The following CD101 variants were observed in gnomAD, a reference collection of about 807,000 sequenced individuals.
The protein encoded by CD101 is CD101 molecule, also known as immunoglobulin superfamily member 2.
A neutral mutation model predicts 98.2 loss-of-function variants in CD101; 76 were observed. The ratio of observed to expected loss-of-function variants is 0.77; its 90% CI spans 0.64 to 0.94. CD101 has a LOEUF of 0.94. Ranked by LOEUF, CD101 falls within the 40% of genes least tolerant of loss-of-function variation. The probability of loss-of-function intolerance (pLI) is 0.00; values close to 1 mark genes in which losing one functional copy is unlikely to be tolerated. For missense variants in CD101, 1,145 were observed against 1,218.8 expected, an observed-to-expected ratio of 0.94 and a Z score of 0.90; for synonymous variants, 471 against 472.7, an observed-to-expected ratio of 1.00 and a Z score of 0.05.
rs1298501481 is a variant in CD101, at chr1:117,010,059, T to C, written c.253T>C (p.Tyr85His). Residue 85 changes from tyrosine (Y) to histidine (H), a missense_variant, in exon 2 of 10, where the codon TAT becomes CAT. Physicochemically the swap from Tyr to His is moderately conservative, Grantham distance 83 (BLOSUM62 2). Coordinates refer to ENST00000682167, the MANE Select transcript of CD101 (RefSeq NM_001256106.3). The surrounding 1 kb of genome is among the most constrained non-coding windows in gnomAD (Gnocchi z 5.2). ...TKDAAFSYAV[Y>H]TQRVRSGDVY... ...GGATGCTGCCTTCTCTTACGCAGTA[T>C]ATACGCAGCGGGTGCGAAGCGGAGA... 1.2e-6 allele frequency: 2 copies of C among 1,614,212 alleles called. No individual in the cohort carries two copies. The highest frequency in any genetic ancestry group is 2.2e-5 in the East Asian group (1 of 44,882).
chr1:117,034,709 C>G (rs1473341469), intron 9 of CD101, among the ~76,000 whole-genome samples: 1 of 152,214 alleles, frequency 6.6e-6, no homozygotes, highest in Non-Finnish European at 1.5e-5. Context: ...GGTTCTTTGA[C>G]AAAATGATAA....
chr1:117,027,853 G>A (rs527983542), intron 8 of CD101, among the ~76,000 whole-genome samples: 1 of 152,236 alleles, frequency 6.6e-6, no homozygotes, highest in African/African-American at 2.4e-5. Flanking sequence ...GGAGGCCAAG[G>A]CGGGCGGGTC....
At chr1:117,028,082 T>A (rs1372173051) in intron 8 of CD101, among the ~76,000 whole-genome samples, 1 of 126,400 alleles carries the variant, frequency 7.9e-6, no homozygotes, top group East Asian at 2.5e-4. Context: ...CAAAACTCTG[T>A]CTCAAAATAA....
intron 7 of CD101, among the ~76,000 whole-genome samples, chr1:117,025,245 C>T (rs2101145360): frequency 6.6e-6 from 1 of 152,276 alleles, no homozygotes; most frequent in South Asian, 2.1e-4. Flanking sequence ...CGCCTGTAAT[C>T]CCAGCCACTT....
intron 4 of CD101, among the ~76,000 whole-genome samples, chr1:117,015,898 G>A (rs1653176385): frequency 6.6e-6 from 1 of 152,180 alleles, no homozygotes; most frequent in Non-Finnish European, 1.5e-5. Context: ...GACTCCAGGA[G>A]CCGTGGCCTT....
intron 4 of CD101, among the ~76,000 whole-genome samples, chr1:117,016,793 T>A (rs1209766214): frequency 6.6e-6 from 1 of 152,126 alleles, no homozygotes; most frequent in Non-Finnish European, 1.5e-5. Flanking sequence ...GAGTTTGAGG[T>A]TGCAGTGAGT....
At chr1:117,014,365 G>A (rs1003264796) in intron 4 of CD101, among the ~76,000 whole-genome samples, 2 of 152,126 alleles carry the variant, frequency 1.3e-5, no homozygotes, top group African/African-American at 4.8e-5. Flanking sequence ...TTGACCTGGT[G>A]TGGGAAATAG....
rs547723218 is a variant in CD101 at position 117,002,677 on chromosome 1, G to A, written c.43+817G>A. 3.9e-5 allele frequency among the ~76,000 whole-genome samples: 6 copies of A among 152,180 alleles called. No homozygotes were observed. In the South Asian group the frequency reaches 6.2e-4, roughly 16 times the overall value. On this transcript the variant is annotated intron_variant, in intron 1 of 9. Coordinates refer to ENST00000682167, the MANE Select transcript of CD101 (RefSeq NM_001256106.3). Reference sequence around the variant, plus strand: ...AGGAAATCAGTCACATTGAAATACAGGTATCAAAATATTTTAAATAAATTA... The same window carrying A: ...AGGAAATCAGTCACATTGAAATACAAGTATCAAAATATTTTAAATAAATTA...
chr1:117,019,066 C>G lies in CD101; in HGVS notation c.2017+506C>G, dbSNP rs1013319054. On this transcript the variant is annotated intron_variant, in intron 6 of 9. Transcript: ENST00000682167. This position sits in a 1 kb window ranked among gnomAD's most constrained non-coding sequence, Gnocchi z 4.3. The stretch of plus-strand genomic sequence containing the variant: ...ATTATTACAATCAAATATAATCCAT[C>G]TCATCAACTGATAATAGAGCATAGG... Among the ~76,000 whole-genome samples, 1 of 152,208 alleles carries G rather than the reference C, an allele frequency of 6.6e-6. No homozygotes were observed. Among genetic ancestry groups the G allele is most frequent in the African/African-American group, 2.4e-5 (1 of 41,444 alleles).
At chr1:117,002,175 C>T (rs1461984639) in intron 1 of CD101, among the ~76,000 whole-genome samples, 2 of 152,156 alleles carry the variant, frequency 1.3e-5, no homozygotes, top group Non-Finnish European at 2.9e-5. Flanking sequence ...TCCCAAGAGA[C>T]AGTAAAAAAG....
rs1315096607 is a variant in CD101, at chr1:117,017,044, T to G, written c.1229-46T>G. The G allele has an allele frequency of 7.1e-6, 11 of 1,552,998 alleles. No homozygotes were observed. The Admixed American group carries it at 2.0e-4, about 29-fold the overall frequency. ...TTTCACTGTATTTTAGAACATTTCT[T>G]ATTTACCTAAAACAGTTTTGTTCTT... On this transcript the variant is annotated intron_variant, in intron 4 of 9. Transcript: ENST00000682167.
At chr1:117,014,394 A>G (rs940495027) in intron 4 of CD101, among the ~76,000 whole-genome samples, 1 of 152,058 alleles carries the variant, frequency 6.6e-6, no homozygotes, top group Non-Finnish European at 1.5e-5. Flanking sequence ...CATAATTCTG[A>G]CTCACAGTAA....
chr1:117,016,110 TACA>T (rs1256776284), intron 4 of CD101, among the ~76,000 whole-genome samples: 1 of 151,322 alleles, frequency 6.6e-6, no homozygotes, highest in Non-Finnish European at 1.5e-5. Flanking sequence ...CCTCTCTGTT[TACA>T]ACAACGTGTG....
rs1652508965 is a variant in CD101 at position 117,006,069 on chromosome 1, C to A, written c.44-3781C>A. On this transcript the variant is annotated intron_variant, in intron 1 of 9. Transcript: ENST00000682167. This position sits in a 1 kb window ranked among gnomAD's most constrained non-coding sequence, Gnocchi z 4.4. ...AAATTAAATGCATTATATTTTCACT[C>A]ACCCTTATACACACAACAGTAACTC... 6.6e-6 allele frequency among the ~76,000 whole-genome samples: 1 copy of A among 152,054 alleles called. No homozygotes were observed. The highest frequency in any genetic ancestry group is 2.4e-5 in the African/African-American group (1 of 41,394).
rs896292347 is a variant in CD101, at chr1:117,019,303, T to C, written c.2017+743T>C. The stretch of plus-strand genomic sequence containing the variant: ...AAATTGTTAATGTGCAATTTAAATA[T>C]GGTGACATATATAACATGCCGAGTA... On this transcript the variant is annotated intron_variant, in intron 6 of 9. Coordinates refer to ENST00000682167, the MANE Select transcript of CD101 (RefSeq NM_001256106.3). The surrounding 1 kb of genome is among the most constrained non-coding windows in gnomAD (Gnocchi z 4.3). Among the ~76,000 whole-genome samples the C allele has an allele frequency of 5.9e-5, 9 of 152,226 alleles. No homozygotes were observed. The highest frequency in any genetic ancestry group is 2.2e-4 in the African/African-American group (9 of 41,456).
In CD101 at chr1:117,003,980, AT is replaced by A. The variant is rs1296254350; in HGVS notation, c.43+2129del. Among the ~76,000 whole-genome samples the A allele has an allele frequency of 2.6e-5, 4 of 151,976 alleles. No individual in the cohort carries two copies. In the South Asian group the frequency reaches 8.3e-4, roughly 32 times the overall value. ...GTTAGCAAATTTACACTTTGTCCCA[AT>A]TTTTTTTTAGTAAATATAAGGACTG... On this transcript the variant is annotated intron_variant, in intron 1 of 9. Coordinates refer to ENST00000682167, the MANE Select transcript of CD101 (RefSeq NM_001256106.3).
intron 8 of CD101, 22 bp downstream of exon 8, chr1:117,025,926 G>A (rs202016089): frequency 8.1e-5 from 129 of 1,583,560 alleles, no homozygotes; most frequent in East Asian, 4.0e-4. Flanking sequence ...TTTATCTACC[G>A]CGAGCTCATG....
rs140225271 is a variant in CD101, at chr1:117,018,323, C to T, written c.1780C>T (p.Arg594Ter). Residue 594 changes from arginine to a stop codon, truncating the protein, a stop_gained, in exon 6 of 10, where the codon CGA (arginine) becomes TGA (stop). Coordinates refer to ENST00000682167, the MANE Select transcript of CD101 (RefSeq NM_001256106.3). LOFTEE classifies it high-confidence loss of function. The surrounding 1 kb of genome is among the most constrained non-coding windows in gnomAD (Gnocchi z 4.3). ...CTCTCACATCTTCCACCAGCTTATT[C>T]GAATCACCCACAATGGCACTATTGA... ...ASSHIFHQLI[R>*]ITHNGTIEWG... 8.1e-6 allele frequency: 13 copies of T among 1,614,138 alleles called. No individual in the cohort carries two copies. The highest frequency in any genetic ancestry group is 1.7e-5 in the Admixed American group (1 of 60,022).
intron 9 of CD101, 53 bp downstream of exon 9, chr1:117,034,187 C>T (rs1345270820): frequency 3.3e-5 from 50 of 1,521,370 alleles, no homozygotes; most frequent in Non-Finnish European, 4.0e-5. Context: ...CTGGTTCTGT[C>T]CTCAACTATG....
Sources: allele counts gnomAD v4.1 joint callset (sites outside exome capture counted in the v4.1 genomes callset), GRCh38; gene constraint gnomAD v4.1.1; non-coding constraint Gnocchi (gnomAD v3.1); transcripts MANE v1.5; gene names NCBI Gene and HGNC (gene_info 2026-07-23, HGNC 2026-07-21).